CFAP299: variants seen among roughly 807,000 people sequenced by gnomAD.
CFAP299 encodes the protein cilia- and flagella-associated protein 299.
CFAP299 carries 21 observed loss-of-function variants against 27.0 expected under a neutral mutation model. That is an observed-to-expected ratio of 0.78 (90% CI 0.55 to 1.12). CFAP299 has a LOEUF of 1.12. CFAP299 is among the 50% of genes most tolerant of loss of function. CFAP299 has a pLI of 0.00. For missense variants in CFAP299, 310 were observed against 276.6 expected, an observed-to-expected ratio of 1.12 and a Z score of -0.86; for synonymous variants, 104 against 98.1, an observed-to-expected ratio of 1.06 and a Z score of -0.36.
At chr4:80,945,439 T>C (rs1021199713) in intron 5 of CFAP299, among the ~76,000 whole-genome samples, 12 of 152,240 alleles carry the variant, frequency 7.9e-5, no homozygotes, top group African/African-American at 2.9e-4. Context: ...TTTAAAGACA[T>C]GTCTCATGAT....
rs184808677 is a variant in CFAP299, at chr4:80,491,224, G to A, written c.243-91869G>A. ...AAGCAAGACTTTTAAAACATTATAA[G>A]GATAGTTTTATCGTTTAAAAATAGA... On this transcript the variant is annotated intron_variant, in intron 2 of 5. Coordinates refer to ENST00000358105, the MANE Select transcript of CFAP299 (RefSeq NM_152770.3). Among the ~76,000 whole-genome samples, 157 of 151,950 alleles carry A rather than the reference G, an allele frequency of 1.0e-3. 1 individual carries two copies. Among genetic ancestry groups the A allele is most frequent in the Non-Finnish European group, 1.1e-3 (76 of 67,930 alleles).
chr4:80,855,684 A>C (rs1203533824), intron 3 of CFAP299, among the ~76,000 whole-genome samples: 4 of 152,094 alleles, frequency 2.6e-5, no homozygotes, highest in Non-Finnish European at 5.9e-5. Context: ...GCGATAGTTT[A>C]CTGAGAATGA....
At chr4:80,337,456 G>C (rs1722207276) in intron 1 of CFAP299, among the ~76,000 whole-genome samples, 1 of 150,332 alleles carries the variant, frequency 6.7e-6, no homozygotes, top group Admixed American at 6.6e-5. Context: ...AGAGTGCAGT[G>C]GCCCCATCTC....
At chr4:80,831,219 A>G (rs1265853756) in intron 3 of CFAP299, among the ~76,000 whole-genome samples, 1 of 152,154 alleles carries the variant, frequency 6.6e-6, no homozygotes, top group African/African-American at 2.4e-5. Flanking sequence ...TGGATATTAT[A>G]TATAAGTTAT....
At chr4:80,322,304 A>AAACAGCAAC in the CFAP299 span, among the ~76,000 whole-genome samples, 2 of 152,344 alleles carry the variant, frequency 1.3e-5, no homozygotes, top group Non-Finnish European at 2.9e-5. Flanking sequence ...CAGTGCAACA[A>AAACAGCAAC]AACAGCAACA....
intron 3 of CFAP299, among the ~76,000 whole-genome samples, chr4:80,860,344 C>A (rs1311434747): frequency 6.6e-6 from 1 of 152,040 alleles, no homozygotes; most frequent in East Asian, 1.9e-4. Context: ...AACTTCTTTG[C>A]CTTTGGTTTG....
At chr4:80,323,252 G>A in the CFAP299 span, among the ~76,000 whole-genome samples, 4 of 152,170 alleles carry the variant, frequency 2.6e-5, no homozygotes, top group African/African-American at 9.7e-5. Context: ...AGACCTCATG[G>A]ATTGAAGAGA....
chr4:80,584,915 A>G (rs372522372), intron 3 of CFAP299, among the ~76,000 whole-genome samples: 1 of 152,104 alleles, frequency 6.6e-6, no homozygotes, highest in Admixed American at 6.6e-5. Flanking sequence ...TAATCAAATA[A>G]TCATTATTTG....
rs546924072 is a variant in CFAP299 at position 80,803,078 on chromosome 4, A to G, written c.334-66915A>G. On this transcript the variant is annotated intron_variant, in intron 3 of 5. Coordinates refer to ENST00000358105, the MANE Select transcript of CFAP299 (RefSeq NM_152770.3). ...GTTTAAATAAATTTTTCCAATTCAC[A>G]TATCTCATCAGTGATGGGAAGATAA... is the stretch of plus-strand genomic sequence containing the variant. Among the ~76,000 whole-genome samples, 17 of 152,204 alleles carry G rather than the reference A, an allele frequency of 1.1e-4. No individual in the cohort carries two copies. In the South Asian group the frequency reaches 1.7e-3, roughly 15 times the overall value.
At chr4:80,388,692 G>A (rs1203890414) in intron 2 of CFAP299, 4 of 874,344 alleles carry the variant, frequency 4.6e-6, no homozygotes, top group Non-Finnish European at 5.7e-6. Context: ...ATTCCCTCCA[G>A]GGCCTTAAAG....
chr4:80,818,417 C>T (rs1456047337), intron 3 of CFAP299, among the ~76,000 whole-genome samples: 1 of 152,050 alleles, frequency 6.6e-6, no homozygotes, highest in Non-Finnish European at 1.5e-5. Flanking sequence ...TGAAATACTA[C>T]CTCTTTGTAT....
intron 3 of CFAP299, among the ~76,000 whole-genome samples, chr4:80,639,045 C>G (rs1222698258): frequency 6.6e-6 from 1 of 152,106 alleles, no homozygotes; most frequent in Non-Finnish European, 1.5e-5. Flanking sequence ...AAGGCCACTA[C>G]TCCTATTATG....
intron 4 of CFAP299, chr4:80,870,562 C>T (rs914238420): frequency 1.0e-6 from 1 of 987,552 alleles, no homozygotes; most frequent in African/African-American, 1.7e-5. Flanking sequence ...CTGTCCTATT[C>T]TGGGACACCC....
chr4:80,916,358 G>A (rs940438608), intron 4 of CFAP299, among the ~76,000 whole-genome samples: 2 of 145,586 alleles, frequency 1.4e-5, no homozygotes, highest in African/African-American at 5.1e-5. Context: ...TGCATACTGG[G>A]CATTGTGGAT....
At position 80,821,528 on chromosome 4, in the gene CFAP299, G is replaced by C. The variant is rs183516336; in HGVS notation, c.334-48465G>C. Among the ~76,000 whole-genome samples the C allele has an allele frequency of 1.6e-3, 247 of 152,232 alleles. 1 individual carries two copies. Among genetic ancestry groups the C allele is most frequent in the Admixed American group, 2.8e-3 (43 of 15,274 alleles). ...AGAGAAAATGAAAAGCGGCACACCTGCTTCCAGCTGGGCCCCCCTTTGCAA... is the reference window on the plus strand; with the variant it reads ...AGAGAAAATGAAAAGCGGCACACCTCCTTCCAGCTGGGCCCCCCTTTGCAA... On this transcript the variant is annotated intron_variant, in intron 3 of 5. Transcript: ENST00000358105.
chr4:80,664,193 G>A (rs1277914961), intron 3 of CFAP299, among the ~76,000 whole-genome samples: 1 of 152,078 alleles, frequency 6.6e-6, no homozygotes, highest in East Asian at 1.9e-4. Context: ...GCGGCTGTTT[G>A]GGCAGACACC....
chr4:80,501,978 G>T (rs542315880), intron 2 of CFAP299, among the ~76,000 whole-genome samples: 7 of 151,830 alleles, frequency 4.6e-5, no homozygotes, highest in Admixed American at 4.6e-4. Context: ...CTTGTTTTGG[G>T]TTGTCTATTA....
chr4:80,760,262 A>G (rs957645577), intron 3 of CFAP299, among the ~76,000 whole-genome samples: 2 of 152,202 alleles, frequency 1.3e-5, no homozygotes, highest in Non-Finnish European at 2.9e-5. Context: ...TTGATCAGAA[A>G]AGCAGAACTA....
intron 3 of CFAP299, among the ~76,000 whole-genome samples, chr4:80,641,202 C>T (rs1056111615): frequency 6.6e-6 from 1 of 151,736 alleles, no homozygotes; most frequent in African/African-American, 2.4e-5. Context: ...GCTATATAAA[C>T]TATTTTTCTT....
Sources: gnomAD v4.1 joint callset for allele counts (sites outside exome capture counted in the v4.1 genomes callset) on GRCh38, gnomAD v4.1.1 for gene constraint, MANE v1.5 for transcripts, NCBI Gene and HGNC (gene_info 2026-07-23, HGNC 2026-07-21) for gene names.